The following ADAMTSL1 variants were observed in gnomAD, a reference collection of about 807,000 sequenced individuals.
The protein encoded by ADAMTSL1 is ADAMTS like 1.
Under a neutral mutation model 201.8 loss-of-function variants are expected in ADAMTSL1, and 126 were observed. The observed-to-expected ratio is 0.62, with a 90% CI of 0.54 to 0.72. ADAMTSL1 has a LOEUF of 0.72. Ranked by LOEUF, ADAMTSL1 falls within the 30% of genes least tolerant of loss-of-function variation. The pLI, the probability that ADAMTSL1 is intolerant of heterozygous loss-of-function variation, is 0.00. For missense variants in ADAMTSL1, 2,679 were observed against 2,277.8 expected, an observed-to-expected ratio of 1.18 and a Z score of -3.59; for synonymous variants, 1,121 against 903.4, an observed-to-expected ratio of 1.24 and a Z score of -4.32.
chr9:18,802,705 T>A (rs1822875974), intron 20 of ADAMTSL1, among the ~76,000 whole-genome samples: 1 of 152,202 alleles, frequency 6.6e-6, no homozygotes, highest in Admixed American at 6.5e-5. Flanking sequence ...TATTTTTTAT[T>A]TCTCTTGGTT....
At chr9:18,290,794 T>C (rs1833226364) in intron 2 of ADAMTSL1, among the ~76,000 whole-genome samples, 1 of 150,676 alleles carries the variant, frequency 6.6e-6, no homozygotes, top group African/African-American at 2.5e-5. Flanking sequence ...TTTTTTTTTT[T>C]TTTTTGAGGC....
intron 2 of ADAMTSL1, among the ~76,000 whole-genome samples, chr9:18,209,594 T>C (rs1040720271): frequency 2.6e-5 from 4 of 152,170 alleles, no homozygotes; most frequent in African/African-American, 9.7e-5. Flanking sequence ...CTGAATTCAG[T>C]TTAATTATCA....
chr9:18,098,613 T>C (rs1384208327), intron 1 of ADAMTSL1, among the ~76,000 whole-genome samples: 2 of 152,238 alleles, frequency 1.3e-5, no homozygotes, highest in African/African-American at 2.4e-5. Context: ...ATCTAATTGC[T>C]TTGGAAGATC....
At chr9:18,885,570 G>A (rs1279080275) in intron 23 of ADAMTSL1, among the ~76,000 whole-genome samples, 1 of 152,184 alleles carries the variant, frequency 6.6e-6, no homozygotes, top group Non-Finnish European at 1.5e-5. Context: ...TCTCATGGGA[G>A]GGCACTGTCA....
chr9:18,046,700 C>T (rs1232895149), intron 1 of ADAMTSL1, among the ~76,000 whole-genome samples: 1 of 152,082 alleles, frequency 6.6e-6, no homozygotes, highest in African/African-American at 2.4e-5. Context: ...TACAATCTAC[C>T]ATTTATTGAA....
chr9:17,969,771 C>G (rs1369723300), intron 1 of ADAMTSL1, among the ~76,000 whole-genome samples: 2 of 151,786 alleles, frequency 1.3e-5, no homozygotes, highest in African/African-American at 4.8e-5. Context: ...TTTTTGAAGT[C>G]TAAAATTTAT....
At chr9:18,384,775 A>G (rs1448732805) in intron 2 of ADAMTSL1, among the ~76,000 whole-genome samples, 1 of 152,072 alleles carries the variant, frequency 6.6e-6, no homozygotes, top group Non-Finnish European at 1.5e-5. Flanking sequence ...AGAGCACCTT[A>G]ATGCGGAAAT....
At chr9:18,650,282 G>C (rs371436096) in intron 7 of ADAMTSL1, among the ~76,000 whole-genome samples, 1 of 152,194 alleles carries the variant, frequency 6.6e-6, no homozygotes, top group Admixed American at 6.5e-5. Context: ...CGATTTTCCA[G>C]GTGCCGTCTG....
At position 18,795,376 on chromosome 9, in the gene ADAMTSL1, A is replaced by G. The variant is rs1588124188; in HGVS notation, c.3678-21A>G. 3 of 1,613,398 alleles carry G rather than the reference A, an allele frequency of 1.9e-6. No individual in the cohort carries two copies. The East Asian group carries it at 6.7e-5, about 36-fold the overall frequency. On this transcript the variant is annotated intron_variant, in intron 19 of 28. Coordinates refer to ENST00000380548, the MANE Select transcript of ADAMTSL1 (RefSeq NM_001040272.6). ...AGTCAACTGACTTGACCAGGTCTATATTTCTTTTCTGTCGCTCCAGGATTC... is the reference window on the plus strand; with the variant it reads ...AGTCAACTGACTTGACCAGGTCTATGTTTCTTTTCTGTCGCTCCAGGATTC...
intron 17 of ADAMTSL1, among the ~76,000 whole-genome samples, chr9:18,773,481 T>G (rs1041367994): frequency 2.6e-5 from 4 of 152,162 alleles, no homozygotes; most frequent in Non-Finnish European, 5.9e-5. Context: ...GTTAAAAAAT[T>G]AAGACCACAG....
intron 4 of ADAMTSL1, among the ~76,000 whole-genome samples, chr9:18,583,300 G>A (rs1284070302): frequency 2.0e-5 from 3 of 152,180 alleles, no homozygotes; most frequent in East Asian, 1.9e-4. Flanking sequence ...GGTAGGGCTC[G>A]GGCCGTAGCT....
intron 1 of ADAMTSL1, among the ~76,000 whole-genome samples, chr9:18,109,220 C>G (rs1370018722): frequency 6.6e-6 from 1 of 152,098 alleles, no homozygotes; most frequent in African/African-American, 2.4e-5. Context: ...CTGGCCATTC[C>G]TATGTGTTAC....
At chr9:18,839,330 A>C (rs1825561453) in intron 23 of ADAMTSL1, among the ~76,000 whole-genome samples, 1 of 151,980 alleles carries the variant, frequency 6.6e-6, no homozygotes, top group Admixed American at 6.6e-5. Flanking sequence ...GATGATTTCC[A>C]ATTTCATGCA....
At chr9:18,572,729 G>A (rs982708475) in intron 3 of ADAMTSL1, among the ~76,000 whole-genome samples, 1 of 152,122 alleles carries the variant, frequency 6.6e-6, no homozygotes, top group Non-Finnish European at 1.5e-5. Flanking sequence ...AAAATTTTCA[G>A]TGCTGTTTTA....
At chr9:17,929,357 T>G (rs960419576) in intron 1 of ADAMTSL1, among the ~76,000 whole-genome samples, 1 of 152,124 alleles carries the variant, frequency 6.6e-6, no homozygotes, top group Admixed American at 6.6e-5. Flanking sequence ...ATAAATGTAC[T>G]GTAAGACCTC....
At chr9:18,275,389 G>C (rs549704052) in intron 2 of ADAMTSL1, among the ~76,000 whole-genome samples, 1 of 152,206 alleles carries the variant, frequency 6.6e-6, no homozygotes, top group East Asian at 1.9e-4. Context: ...CCCATTTTAA[G>C]TGTACAGTTC....
At chr9:18,367,467 G>A (rs1350396846) in intron 2 of ADAMTSL1, among the ~76,000 whole-genome samples, 1 of 151,694 alleles carries the variant, frequency 6.6e-6, no homozygotes. Flanking sequence ...CCCTAGGGTT[G>A]CCATTTGCTA....
At chr9:18,152,976 A>G (rs907534702) in intron 1 of ADAMTSL1, among the ~76,000 whole-genome samples, 1 of 152,018 alleles carries the variant, frequency 6.6e-6, no homozygotes, top group African/African-American at 2.4e-5. Flanking sequence ...GGTTTGGCCA[A>G]TGTCCTTCTT....
At chr9:18,743,241 T>C (rs481953) in intron 15 of ADAMTSL1, among the ~76,000 whole-genome samples, 119,442 of 152,052 alleles carry the variant, frequency 0.79, 47,086 homozygotes, top group Non-Finnish European at 0.82. Context: ...GAAAAGTGTG[T>C]TAGAGTGAGG....
Sources: gnomAD v4.1 joint callset for allele counts (sites outside exome capture counted in the v4.1 genomes callset) on GRCh38, gnomAD v4.1.1 for gene constraint, MANE v1.5 for transcripts, NCBI Gene and HGNC (gene_info 2026-07-23, HGNC 2026-07-21) for gene names.